Variants in ANKS1B observed in about 807,000 individuals in gnomAD.
ANKS1B encodes ankyrin repeat and sterile alpha motif domain containing 1B, also known as ankyrin repeat and sterile alpha motif domain-containing protein 1B.
A neutral mutation model predicts 148.3 loss-of-function variants in ANKS1B; 36 were observed. The observed-to-expected ratio is 0.24, with a 90% CI of 0.19 to 0.32. The LOEUF (loss-of-function observed/expected upper bound fraction) is 0.32. Among genes scored for constraint, ANKS1B ranks in the 10% least tolerant of loss-of-function variants. The pLI is 1.00. For missense variants in ANKS1B, 1,157 were observed against 1,542.6 expected, an observed-to-expected ratio of 0.75 and a Z score of 4.19; for synonymous variants, 542 against 560.8, an observed-to-expected ratio of 0.97 and a Z score of 0.47.
intron 1 of ANKS1B, 74 bp downstream of exon 1, chr12:99,984,030 G>A (rs908305946): frequency 2.3e-6 from 3 of 1,314,208 alleles, no homozygotes; most frequent in East Asian, 2.4e-5. Flanking sequence ...TGCAATAACC[G>A]TGAGGAGGAG....
At chr12:98,937,895 G>GGAGAGA (rs35321454) in intron 17 of ANKS1B, among the ~76,000 whole-genome samples, 21 of 150,040 alleles carry the variant, frequency 1.4e-4, no homozygotes, top group Non-Finnish European at 2.4e-4. Flanking sequence ...CATGGCAGCA[G>GGAGAGA]GAGAGAGAGA....
chr12:99,962,080 T>C (rs1467468008), intron 1 of ANKS1B, among the ~76,000 whole-genome samples: 1 of 152,210 alleles, frequency 6.6e-6, no homozygotes, highest in Non-Finnish European at 1.5e-5. Context: ...AGTTGTTTTT[T>C]TTTAATTTTA....
chr12:99,145,270 CAG>C lies in ANKS1B; in HGVS notation c.2526+9017_2526+9018del, dbSNP rs146907742. Among the ~76,000 whole-genome samples, 356 of 152,048 alleles carry C rather than the reference CAG, an allele frequency of 2.3e-3. 1 individual carries two copies. The highest frequency in any genetic ancestry group is 4.4e-3 in the Non-Finnish European group (302 of 67,946). On this transcript the variant is annotated intron_variant, in intron 15 of 26. Transcript: ENST00000683438. Reference sequence around the variant, plus strand: ...GAGTGCAAGAAGCAAGAGTTCTGGGCAGAAAACAGTGTTTATATGAGGCAGTG... The same window carrying C: ...GAGTGCAAGAAGCAAGAGTTCTGGGCAAAACAGTGTTTATATGAGGCAGTG...
chr12:99,361,716 T>A (rs1414784363), intron 12 of ANKS1B, among the ~76,000 whole-genome samples: 1 of 152,082 alleles, frequency 6.6e-6, no homozygotes, highest in Non-Finnish European at 1.5e-5. Flanking sequence ...ATTTTCAAAT[T>A]GATTGAATAA....
In ANKS1B at chr12:98,745,255, C is replaced by G; in HGVS notation, c.*484G>C. On this transcript the variant is annotated 3_prime_UTR_variant, in exon 27 of 27. Transcript: ENST00000683438. ...TTGTCCTTTTGCATTAAACGATACT[C>G]AATGATAGAATGATTTTACAGATGC... The G allele has an allele frequency of 1.0e-6, 1 of 985,564 alleles. No individual in the cohort carries two copies. 61.1% of individuals were successfully genotyped at this position (985,564 alleles called of 1,614,324 possible). A position where few individuals can be genotyped will look rare whatever the true frequency, so the allele number is the denominator to read the frequency against.
At chr12:99,003,294 A>C (rs1437397987) in intron 17 of ANKS1B, among the ~76,000 whole-genome samples, 4 of 152,130 alleles carry the variant, frequency 2.6e-5, no homozygotes, top group Non-Finnish European at 5.9e-5. Flanking sequence ...TCTTTCTCAA[A>C]ATTATTCCGG....
intron 9 of ANKS1B, among the ~76,000 whole-genome samples, chr12:99,525,284 A>T (rs763407183): frequency 4.6e-5 from 7 of 152,210 alleles, no homozygotes; most frequent in Non-Finnish European, 1.0e-4. Context: ...TATTTTAAAG[A>T]TGGTGATTCT....
At chr12:99,205,261 T>C (rs939354340) in intron 14 of ANKS1B, among the ~76,000 whole-genome samples, 1 of 152,240 alleles carries the variant, frequency 6.6e-6, no homozygotes, top group African/African-American at 2.4e-5. Context: ...AAGTAACATT[T>C]AAACAATCAG....
In ANKS1B at chr12:99,836,610, G is replaced by A. The variant is rs115670535; in HGVS notation, c.135-11221C>T. 7.9e-3 allele frequency among the ~76,000 whole-genome samples: 1,198 copies of A among 151,966 alleles called. 16 individuals carry two copies. The highest frequency in any genetic ancestry group is 0.027 in the African/African-American group (1,133 of 41,458). On this transcript the variant is annotated intron_variant, in intron 1 of 26. Coordinates refer to ENST00000683438, the MANE Select transcript of ANKS1B (RefSeq NM_001352186.2). ...ATATATACAGTATGTGCCACAAGAT[G>A]GAATTTTAGAATATGAAAAGAATTT...
At chr12:99,603,986 CAG>C (rs1341204412) in intron 9 of ANKS1B, among the ~76,000 whole-genome samples, 1 of 152,078 alleles carries the variant, frequency 6.6e-6, no homozygotes, top group Non-Finnish European at 1.5e-5. Flanking sequence ...CTGTACTTGT[CAG>C]AGTTATTTCC....
intron 17 of ANKS1B, chr12:98,894,965 A>G: frequency 2.4e-6 from 2 of 824,200 alleles, no homozygotes; most frequent in South Asian, 1.1e-4. Context: ...GCCCGGCTCC[A>G]CGCGGCGCGC....
intron 12 of ANKS1B, among the ~76,000 whole-genome samples, chr12:99,276,549 A>G (rs2077699122): frequency 6.6e-6 from 1 of 152,164 alleles, no homozygotes; most frequent in Non-Finnish European, 1.5e-5. Context: ...CTCACCTATA[A>G]GGAGAGAGAC....
In ANKS1B at chr12:99,632,284, A is replaced by G. The variant is rs569881815; in HGVS notation, c.1272+22783T>C. On this transcript the variant is annotated intron_variant, in intron 9 of 26. Transcript: ENST00000683438. ...TGTGGAGGCTTGGCAGCCTCCACCC[A>G]GATTTCAAAGAATGTCATCAAAAGC... is the stretch of plus-strand genomic sequence containing the variant. Among the ~76,000 whole-genome samples, 548 of 151,720 alleles carry G rather than the reference A, an allele frequency of 3.6e-3. 3 individuals carry two copies. Among genetic ancestry groups the G allele is most frequent in the African/African-American group, 0.013 (523 of 41,426 alleles).
intron 1 of ANKS1B, among the ~76,000 whole-genome samples, chr12:99,971,610 AAAAAAAAAAAG>A (rs2095559511): frequency 7.1e-6 from 1 of 141,814 alleles, no homozygotes; most frequent in South Asian, 2.1e-4. Context: ...TCAGGCCAAA[AAAAAAAAAAAG>A]AAAGAAAAAT....
chr12:98,932,932 T>C (rs1555514241), intron 17 of ANKS1B, among the ~76,000 whole-genome samples: 1 of 152,206 alleles, frequency 6.6e-6, no homozygotes, highest in Non-Finnish European at 1.5e-5. Flanking sequence ...ATTATTTGTA[T>C]AAACACCTGA....
rs570637878 is a variant in ANKS1B, at chr12:98,807,936, C to T, written c.3067-18G>A. On this transcript the variant is annotated intron_variant, in intron 19 of 26. Transcript: ENST00000683438. ...GACGACTGCTGATATAAACAGAAAACTATCTTATCTTGTCAATATTTAAAA... is the reference window on the plus strand; with the variant it reads ...GACGACTGCTGATATAAACAGAAAATTATCTTATCTTGTCAATATTTAAAA... The T allele has an allele frequency of 2.5e-6, 4 of 1,598,516 alleles. No individual in the cohort carries two copies. The Admixed American group carries it at 5.1e-5, about 20-fold the overall frequency.
intron 9 of ANKS1B, among the ~76,000 whole-genome samples, chr12:99,534,938 T>G (rs987372762): frequency 1.3e-5 from 2 of 152,068 alleles, no homozygotes; most frequent in South Asian, 2.1e-4. Flanking sequence ...CTCGATCTCC[T>G]GACCTCGTGA....
At chr12:99,409,474 T>C (rs1219456508) in intron 11 of ANKS1B, among the ~76,000 whole-genome samples, 1 of 152,110 alleles carries the variant, frequency 6.6e-6, no homozygotes, top group Non-Finnish European at 1.5e-5. Context: ...CAATAATTTA[T>C]TGTACCTTTT....
At chr12:98,847,157 T>A (rs2099483571) in intron 17 of ANKS1B, among the ~76,000 whole-genome samples, 1 of 152,194 alleles carries the variant, frequency 6.6e-6, no homozygotes, top group African/African-American at 2.4e-5. Context: ...TTCTGGCAAA[T>A]TTTAAATACA....
Sources: allele counts gnomAD v4.1 joint callset (sites outside exome capture counted in the v4.1 genomes callset), GRCh38; gene constraint gnomAD v4.1.1; transcripts MANE v1.5; gene names NCBI Gene and HGNC (gene_info 2026-07-23, HGNC 2026-07-21).